FAM184B: variants seen among roughly 807,000 people sequenced by gnomAD.
FAM184B encodes the protein protein FAM184B.
A neutral mutation model predicts 135.9 loss-of-function variants in FAM184B; 111 were observed. That is an observed-to-expected ratio of 0.82 (90% confidence interval 0.70 to 0.96). The LOEUF (loss-of-function observed/expected upper bound fraction) is 0.96. Ranked by LOEUF, FAM184B falls within the 40% of genes least tolerant of loss-of-function variation. The probability of loss-of-function intolerance (pLI) is 0.00; values close to 1 mark genes in which losing one functional copy is unlikely to be tolerated. For synonymous variants in FAM184B, 552 were observed against 524.8 expected, an observed-to-expected ratio of 1.05 and a Z score of -0.71; for missense variants, 1,375 against 1,323.9, an observed-to-expected ratio of 1.04 and a Z score of -0.60.
At chr4:17,683,504 T>C (rs1716495812) in intron 7 of FAM184B, among the ~76,000 whole-genome samples, 1 of 152,210 alleles carries the variant, frequency 6.6e-6, no homozygotes. Flanking sequence ...TTGTCCAAGA[T>C]TATCCAGCCA....
In FAM184B at chr4:17,740,751, G is replaced by A. The variant is rs180692677; in HGVS notation, c.142-31107C>T. Among the ~76,000 whole-genome samples, 103 of 152,324 alleles carry A rather than the reference G, an allele frequency of 6.8e-4. 2 individuals carry two copies. The highest frequency in any genetic ancestry group is 6.1e-3 in the Admixed American group (93 of 15,298). On this transcript the variant is annotated intron_variant, in intron 1 of 17. Coordinates refer to ENST00000265018, the MANE Select transcript of FAM184B (RefSeq NM_015688.2). ...TATTTATAAAAGCTAACCATCATCA[G>A]AAGCCAACCTCCAGGCCCCCAAGTG...
intron 12 of FAM184B, among the ~76,000 whole-genome samples, chr4:17,644,976 C>T (rs1306050675): frequency 2.0e-5 from 3 of 152,134 alleles, no homozygotes; most frequent in African/African-American, 7.2e-5. Context: ...AGTGAACTCC[C>T]ATTCACAATT....
intron 1 of FAM184B, among the ~76,000 whole-genome samples, chr4:17,719,598 C>T (rs926446005): frequency 2.0e-5 from 3 of 152,104 alleles, no homozygotes; most frequent in African/African-American, 7.2e-5. Flanking sequence ...CCAGTAATCC[C>T]CCCTTTTCTC....
chr4:17,733,747 A>G (rs1342349958), intron 1 of FAM184B, among the ~76,000 whole-genome samples: 1 of 152,080 alleles, frequency 6.6e-6, no homozygotes, highest in Non-Finnish European at 1.5e-5. Context: ...GAAAATGGCC[A>G]TATTCCCAAG....
At chr4:17,744,358 A>T (rs1718109776) in intron 1 of FAM184B, among the ~76,000 whole-genome samples, 1 of 151,972 alleles carries the variant, frequency 6.6e-6, no homozygotes, top group Non-Finnish European at 1.5e-5. Flanking sequence ...ACATTGACCC[A>T]TCTGGGGAAG....
At chr4:17,762,518 A>G (rs1222858215) in intron 1 of FAM184B, among the ~76,000 whole-genome samples, 1 of 152,156 alleles carries the variant, frequency 6.6e-6, no homozygotes, top group Admixed American at 6.5e-5. Context: ...GGCCACCAAC[A>G]CACGATATTG....
chr4:17,745,039 C>T (rs1718130806), intron 1 of FAM184B, among the ~76,000 whole-genome samples: 2 of 152,222 alleles, frequency 1.3e-5, no homozygotes, highest in Non-Finnish European at 2.9e-5. Context: ...GCATCGCTCT[C>T]CTTCCTCTTC....
chr4:17,736,284 C>G (rs75097122), intron 1 of FAM184B, among the ~76,000 whole-genome samples: 1,622 of 152,232 alleles, frequency 0.011, 33 homozygotes, highest in African/African-American at 0.036. Flanking sequence ...CTGTGTAAGC[C>G]ATTTAAAGAA....
intron 1 of FAM184B, among the ~76,000 whole-genome samples, chr4:17,733,945 A>G (rs1717848604): frequency 2.6e-5 from 4 of 152,226 alleles, no homozygotes; most frequent in Non-Finnish European, 1.5e-5. Flanking sequence ...ACAAGGCTAC[A>G]GTAACCAAAA....
At chr4:17,773,231 A>G (rs1287509342) in intron 1 of FAM184B, among the ~76,000 whole-genome samples, 5 of 152,232 alleles carry the variant, frequency 3.3e-5, no homozygotes, top group Non-Finnish European at 7.3e-5. Flanking sequence ...ATTGCTGTGC[A>G]CACAAAGGAT....
chr4:17,705,841 T>C lies in FAM184B; in HGVS notation c.1081A>G (p.Asn361Asp). ...TGAAGATTGCCGGCTTCCAAGTCAT[T>C]CTCTTCCCGCAGGACTTTGTTCTCT... ...VSENKVLREE[N>D]DLEAGNLHPQ... Residue 361 changes from asparagine to aspartate, a missense_variant, in exon 4 of 18, where the codon AAT becomes GAT. By Grantham distance (23) the Asn-to-Asp change is conservative. Transcript: ENST00000265018. 4 of 1,552,210 alleles carry C rather than the reference T, an allele frequency of 2.6e-6. No homozygotes were observed. Among genetic ancestry groups the C allele is most frequent in the Non-Finnish European group, 3.5e-6 (4 of 1,147,108 alleles).
chr4:17,633,640 A>C, intron 17 of FAM184B, 49 bp downstream of exon 17: 1 of 1,389,838 alleles, frequency 7.2e-7, no homozygotes, highest in South Asian at 1.7e-5. Context: ...TTCCCCTCTT[A>C]TCTACAGGGA....
intron 1 of FAM184B, among the ~76,000 whole-genome samples, chr4:17,745,702 ATTC>A (rs1023914967): frequency 1.3e-5 from 2 of 152,090 alleles, no homozygotes; most frequent in African/African-American, 4.8e-5. Flanking sequence ...GTACATCTAA[ATTC>A]TTCTTGGTTT....
intron 1 of FAM184B, among the ~76,000 whole-genome samples, chr4:17,729,247 G>A (rs1717714464): frequency 6.6e-6 from 1 of 152,234 alleles, no homozygotes; most frequent in African/African-American, 2.4e-5. Flanking sequence ...CAAAGCAGCT[G>A]GGAAGCTCAA....
intron 1 of FAM184B, among the ~76,000 whole-genome samples, chr4:17,754,551 CAGAA>C (rs1560193809): frequency 3.1e-5 from 4 of 129,256 alleles, no homozygotes; most frequent in Non-Finnish European, 6.3e-5. Context: ...AACTCTGTCT[CAGAA>C]AAAAAAAAAA....
chr4:17,654,820 A>T (rs1213502682), intron 10 of FAM184B, among the ~76,000 whole-genome samples: 1 of 152,166 alleles, frequency 6.6e-6, no homozygotes, highest in East Asian at 1.9e-4. Flanking sequence ...CACTCCTCCC[A>T]GGGGAAACGC....
At chr4:17,716,916 G>A (rs1277387010) in intron 1 of FAM184B, among the ~76,000 whole-genome samples, 1 of 152,060 alleles carries the variant, frequency 6.6e-6, no homozygotes, top group Non-Finnish European at 1.5e-5. Flanking sequence ...GAGTCCAAGC[G>A]AGTCTCCTGC....
At position 17,636,627 on chromosome 4, in the gene FAM184B, C is replaced by G. The variant is rs774679756; in HGVS notation, c.2685G>C (p.Glu895Asp). 17 of 1,549,916 alleles carry G rather than the reference C, an allele frequency of 1.1e-5. No individual in the cohort carries two copies. Among genetic ancestry groups the G allele is most frequent in the Admixed American group, 3.9e-5 (2 of 50,836 alleles). The part of the protein sequence containing the change: ...ALEAELKDSG[E>D]KPGKGASRPE... ...GCCTGGACGCTCCCTTCCCTGGCTT[C>G]TCTCCGGAATCTTTCAGTCTGTTCC... Residue 895 changes from glutamate (E) to aspartate (D), a missense_variant, in exon 15 of 18, where the codon GAG (glutamate) becomes GAC (aspartate). By Grantham distance (45) the Glu-to-Asp change is conservative. Transcript: ENST00000265018.
At chr4:17,765,558 A>G (rs2108994583) in intron 1 of FAM184B, among the ~76,000 whole-genome samples, 1 of 152,346 alleles carries the variant, frequency 6.6e-6, no homozygotes, top group African/African-American at 2.4e-5. Flanking sequence ...ATTATAATCC[A>G]GTTTTTGTAT....
Sources: gnomAD v4.1 joint callset for allele counts (sites outside exome capture counted in the v4.1 genomes callset) on GRCh38, gnomAD v4.1.1 for gene constraint, MANE v1.5 for transcripts, NCBI Gene and HGNC (gene_info 2026-07-23, HGNC 2026-07-21) for gene names.